Variants in BMPER observed in about 807,000 individuals in gnomAD.
BMPER encodes BMP binding endothelial regulator.
A neutral mutation model predicts 87.3 loss-of-function variants in BMPER; 45 were observed. The observed-to-expected ratio is 0.52, with a 90% CI of 0.41 to 0.66. The LOEUF (loss-of-function observed/expected upper bound fraction) is 0.66, where lower values mean the gene tolerates loss of function less well. Ranked by LOEUF, BMPER falls within the 30% of genes least tolerant of loss-of-function variation. The pLI, the probability that BMPER is intolerant of heterozygous loss-of-function variation, is 0.00. For synonymous variants in BMPER, 326 were observed against 316.2 expected (o/e 1.03, Z -0.33); for missense variants, 784 against 867.5 (o/e 0.90, Z 1.21).
intron 13 of BMPER, among the ~76,000 whole-genome samples, chr7:34,109,425 C>T (rs566720016): frequency 4.6e-5 from 7 of 152,152 alleles, no homozygotes; most frequent in Admixed American, 3.9e-4. Flanking sequence ...CAGATAAACA[C>T]CCAGAATAAT....
At chr7:34,056,391 T>A (rs1788284795) in intron 9 of BMPER, among the ~76,000 whole-genome samples, 1 of 151,736 alleles carries the variant, frequency 6.6e-6, no homozygotes, top group Non-Finnish European at 1.5e-5. Context: ...ACCCCAGAAC[T>A]AAAAATAAAA....
chr7:33,920,272 G>A (rs1281520557), intron 2 of BMPER, among the ~76,000 whole-genome samples: 1 of 152,074 alleles, frequency 6.6e-6, no homozygotes, highest in Non-Finnish European at 1.5e-5. Context: ...TCTCCCACCA[G>A]GGGCCCAGCA....
chr7:34,136,052 G>A (rs1790710361), intron 13 of BMPER, among the ~76,000 whole-genome samples: 1 of 152,122 alleles, frequency 6.6e-6, no homozygotes, highest in East Asian at 1.9e-4. Flanking sequence ...GCAACCCCAG[G>A]CAGCCATAGA....
At chr7:33,921,695 C>T (rs557967392) in intron 2 of BMPER, 35 of 469,366 alleles carry the variant, frequency 7.5e-5, no homozygotes, top group South Asian at 2.3e-4. Context: ...CACAGGGATA[C>T]GCTCTGTTTC....
intron 6 of BMPER, among the ~76,000 whole-genome samples, chr7:34,022,967 G>A (rs1260914844): frequency 1.3e-5 from 2 of 151,998 alleles, no homozygotes; most frequent in African/African-American, 2.4e-5. Flanking sequence ...AATTGGGAAT[G>A]CTCTTTGAAA....
intron 6 of BMPER, among the ~76,000 whole-genome samples, chr7:33,987,201 A>G (rs950625357): frequency 1.3e-5 from 2 of 152,074 alleles, no homozygotes; most frequent in Admixed American, 6.6e-5. Context: ...CACCTTTTAA[A>G]TGTCATTCAA....
rs753256351 is a variant in BMPER, at chr7:34,079,015, C to T, written c.1237C>T (p.Arg413Cys). The T allele has an allele frequency of 6.2e-7, 1 of 1,614,218 alleles. No individual in the cohort carries two copies. Among genetic ancestry groups the T allele is most frequent in the Non-Finnish European group, 8.5e-7 (1 of 1,180,032 alleles). Residue 413 changes from arginine to cysteine, a missense_variant, in exon 12 of 15, where the codon CGC (arginine) becomes TGC (cysteine). Coordinates refer to ENST00000649409, the MANE Select transcript of BMPER (RefSeq NM_001365308.1). ...GGTGAAGAACGACGCCCGCCGGACACGCTCCTTCTCGTGGACCAAGTCGGT... is the reference window on the plus strand; with the variant it reads ...GGTGAAGAACGACGCCCGCCGGACATGCTCCTTCTCGTGGACCAAGTCGGT... ...VLVKNDARRT[R>C]SFSWTKSVEL...
chr7:34,117,633 AT>A (rs1036466323), intron 13 of BMPER, among the ~76,000 whole-genome samples: 1 of 152,074 alleles, frequency 6.6e-6, no homozygotes, highest in African/African-American at 2.4e-5. Flanking sequence ...TACTACTATA[AT>A]TTTTTCATTC....
intron 6 of BMPER, among the ~76,000 whole-genome samples, chr7:34,021,391 T>G (rs191970668): frequency 3.3e-5 from 5 of 152,202 alleles, no homozygotes; most frequent in South Asian, 4.1e-4. Context: ...AAATGAGTAA[T>G]TTTTATGTAG....
At chr7:34,146,585 A>G (rs948626252) in intron 14 of BMPER, among the ~76,000 whole-genome samples, 2 of 152,138 alleles carry the variant, frequency 1.3e-5, no homozygotes, top group Non-Finnish European at 2.9e-5. Flanking sequence ...TTTATATTAT[A>G]TTTTATCTTG....
chr7:33,989,854 A>G (rs1786151381), intron 6 of BMPER, among the ~76,000 whole-genome samples: 1 of 152,190 alleles, frequency 6.6e-6, no homozygotes, highest in Non-Finnish European at 1.5e-5. Context: ...TTTTCCCAGC[A>G]CCATTTATTA....
intron 6 of BMPER, among the ~76,000 whole-genome samples, chr7:34,018,774 A>T (rs576122352): frequency 6.6e-6 from 1 of 152,090 alleles, no homozygotes; most frequent in African/African-American, 2.4e-5. Flanking sequence ...TTCCCATATA[A>T]ATCTGGAAGA....
chr7:33,906,980 C>T (rs1783835634), intron 2 of BMPER, 77 bp downstream of exon 2: 1 of 1,308,422 alleles, frequency 7.6e-7, no homozygotes, highest in Non-Finnish European at 1.1e-6. Context: ...GATAATATAA[C>T]CAGATCTTAC....
intron 6 of BMPER, among the ~76,000 whole-genome samples, chr7:34,045,455 G>A (rs1787937156): frequency 6.6e-6 from 1 of 152,144 alleles, no homozygotes; most frequent in African/African-American, 2.4e-5. Context: ...GGGATGCTGA[G>A]GTTAAACCAG....
chr7:34,004,768 G>A (rs1317309163), intron 6 of BMPER, among the ~76,000 whole-genome samples: 1 of 152,100 alleles, frequency 6.6e-6, no homozygotes, highest in Non-Finnish European at 1.5e-5. Context: ...TCTGTATGAG[G>A]GGCATGTTTT....
At chr7:34,026,506 C>A (rs1201929255) in intron 6 of BMPER, among the ~76,000 whole-genome samples, 3 of 152,056 alleles carry the variant, frequency 2.0e-5, no homozygotes, top group Admixed American at 1.3e-4. Flanking sequence ...AGGTCTGATT[C>A]TTTTAGTTCC....
intron 2 of BMPER, among the ~76,000 whole-genome samples, chr7:33,925,050 C>G (rs977888362): frequency 2.0e-5 from 3 of 152,192 alleles, no homozygotes; most frequent in Admixed American, 2.0e-4. Flanking sequence ...CAGAGCCCTC[C>G]CTAGTGCCCA....
chr7:34,104,943 G>A (rs1196733380), intron 13 of BMPER, among the ~76,000 whole-genome samples: 1 of 152,172 alleles, frequency 6.6e-6, no homozygotes, highest in Non-Finnish European at 1.5e-5. Flanking sequence ...GATTCCCAGA[G>A]ATGTTCCTTA....
intron 6 of BMPER, among the ~76,000 whole-genome samples, chr7:33,994,342 G>A (rs568920266): frequency 1.9e-4 from 29 of 152,338 alleles, no homozygotes; most frequent in African/African-American, 6.5e-4. Context: ...TTTTAAGCCC[G>A]TCGGAAAAGC....
Sources: allele counts gnomAD v4.1 joint callset (sites outside exome capture counted in the v4.1 genomes callset), GRCh38; gene constraint gnomAD v4.1.1; transcripts MANE v1.5; gene names NCBI Gene and HGNC (gene_info 2026-07-23, HGNC 2026-07-21).